Variants in ARB2A observed in about 807,000 individuals in gnomAD.
ARB2A encodes cotranscriptional regulator ARB2A.
the ARB2A span, among the ~76,000 whole-genome samples, chr5:93,641,980 GTTTA>G: frequency 2.2e-4 from 34 of 152,128 alleles, no homozygotes; most frequent in African/African-American, 8.2e-4. Context: ...ATTGATGATT[GTTTA>G]TTTATTTATT....
chr5:94,073,039 G>T, the ARB2A span, among the ~76,000 whole-genome samples: 1 of 152,086 alleles, frequency 6.6e-6, no homozygotes, highest in African/African-American at 2.4e-5. Context: ...TTAGGGAAAA[G>T]TTAAATCACC....
the ARB2A span, among the ~76,000 whole-genome samples, chr5:93,635,072 C>G: frequency 6.6e-6 from 1 of 152,158 alleles, no homozygotes; most frequent in Non-Finnish European, 1.5e-5. Context: ...CCGCACCTGG[C>G]CTTCTTTGTC....
the ARB2A span, among the ~76,000 whole-genome samples, chr5:93,910,263 T>TGG: frequency 2.9e-4 from 44 of 150,692 alleles, 1 homozygote; most frequent in African/African-American, 9.0e-4. Flanking sequence ...TATATTTCCA[T>TGG]GGGGGGGCAA....
the ARB2A span, among the ~76,000 whole-genome samples, chr5:94,075,914 G>A: frequency 6.6e-5 from 10 of 152,038 alleles, no homozygotes; most frequent in African/African-American, 1.9e-4. Flanking sequence ...AAGAACTACC[G>A]ATGAGCCCTT....
chr5:93,953,381 A>G, the ARB2A span, among the ~76,000 whole-genome samples: 1 of 152,196 alleles, frequency 6.6e-6, no homozygotes, highest in Non-Finnish European at 1.5e-5. Context: ...AGGGGTCACC[A>G]GAAGCCTAGT....
chr5:93,945,408 C>A, the ARB2A span, among the ~76,000 whole-genome samples: 2 of 146,260 alleles, frequency 1.4e-5, no homozygotes, highest in African/African-American at 5.0e-5. Context: ...GAGCAAGATT[C>A]CATCTCAAAA....
chr5:93,920,717 T>C, the ARB2A span, among the ~76,000 whole-genome samples: 1 of 152,064 alleles, frequency 6.6e-6, no homozygotes, highest in African/African-American at 2.4e-5. Context: ...TTGAGAGAAA[T>C]GTAAACAAAT....
the ARB2A span, among the ~76,000 whole-genome samples, chr5:93,703,169 G>T: frequency 2.6e-5 from 4 of 152,254 alleles, no homozygotes; most frequent in South Asian, 6.2e-4. Flanking sequence ...CAATATATTT[G>T]TAAGTATACA....
At chr5:93,864,403 T>C in the ARB2A span, among the ~76,000 whole-genome samples, 16 of 152,150 alleles carry the variant, frequency 1.1e-4, no homozygotes, top group Non-Finnish European at 1.8e-4. Context: ...ATTAGCTTCA[T>C]TTGAACTAAA....
At chr5:93,683,196 C>G in the ARB2A span, 29 of 1,321,502 alleles carry the variant, frequency 2.2e-5, no homozygotes, top group African/African-American at 2.9e-5. Context: ...TCATCATCAT[C>G]TTCATCATCA....
the ARB2A span, among the ~76,000 whole-genome samples, chr5:94,110,155 G>T: frequency 1.3e-5 from 2 of 152,118 alleles, no homozygotes; most frequent in African/African-American, 4.8e-5. Context: ...AAAATGCTAG[G>T]ATTACAGGCG....
At chr5:93,717,025 A>G in the ARB2A span, among the ~76,000 whole-genome samples, 1 of 152,142 alleles carries the variant, frequency 6.6e-6, no homozygotes. Context: ...TATTCTTTAG[A>G]TCAAAGAATG....
At chr5:93,908,674 G>T in the ARB2A span, among the ~76,000 whole-genome samples, 1 of 149,996 alleles carries the variant, frequency 6.7e-6, no homozygotes. Context: ...TAATGATAAA[G>T]TTTTTTTTTA....
chr5:94,111,356 A>T, the ARB2A span, among the ~76,000 whole-genome samples: 1 of 152,130 alleles, frequency 6.6e-6, no homozygotes, highest in East Asian at 1.9e-4. Flanking sequence ...CCCAGACACA[A>T]GTCAGAGGTG....
chr5:93,894,655 T>C, the ARB2A span, among the ~76,000 whole-genome samples: 1 of 152,264 alleles, frequency 6.6e-6, no homozygotes, highest in East Asian at 1.9e-4. Flanking sequence ...GCTTATGTGG[T>C]CTTTACTGAC....
chr5:93,886,741 G>C, the ARB2A span, among the ~76,000 whole-genome samples: 60 of 151,750 alleles, frequency 4.0e-4, no homozygotes, highest in African/African-American at 1.4e-3. Context: ...CTCAAGACGT[G>C]ACCTGGGACT....
the ARB2A span, among the ~76,000 whole-genome samples, chr5:93,944,226 A>G: frequency 3.3e-5 from 5 of 152,192 alleles, no homozygotes; most frequent in African/African-American, 1.2e-4. Flanking sequence ...AGGTTAAAAA[A>G]ATATTTAATT....
At chr5:93,789,648 C>G in the ARB2A span, among the ~76,000 whole-genome samples, 1 of 152,186 alleles carries the variant, frequency 6.6e-6, no homozygotes, top group Non-Finnish European at 1.5e-5. Flanking sequence ...GGTACTCTGT[C>G]CTGTGCTATC....
At chr5:94,090,584 G>A in the ARB2A span, among the ~76,000 whole-genome samples, 1 of 152,214 alleles carries the variant, frequency 6.6e-6, no homozygotes, top group South Asian at 2.1e-4. Flanking sequence ...GGTGAGAGAG[G>A]GCATCCTTGT....
Sources: allele counts gnomAD v4.1 joint callset (sites outside exome capture counted in the v4.1 genomes callset), GRCh38; gene constraint gnomAD v4.1.1; transcripts MANE v1.5; gene names NCBI Gene and HGNC (gene_info 2026-07-23, HGNC 2026-07-21).